NIPSNAP1: variants seen among roughly 807,000 people sequenced by gnomAD.
The protein encoded by NIPSNAP1 is protein NipSnap homolog 1.
Under a neutral mutation model 49.2 loss-of-function variants are expected in NIPSNAP1, and 25 were observed. That is an observed-to-expected ratio of 0.51 (90% CI 0.37 to 0.71). The LOEUF is 0.71. Ranked by LOEUF, NIPSNAP1 falls within the 30% of genes least tolerant of loss-of-function variation. The probability of loss-of-function intolerance (pLI) is 0.00; values close to 1 mark genes in which losing one functional copy is unlikely to be tolerated. For synonymous variants in NIPSNAP1, 143 were observed against 140.7 expected, an observed-to-expected ratio of 1.02 and a Z score of -0.12; for missense variants, 294 against 361.0, an observed-to-expected ratio of 0.81 and a Z score of 1.50.
At chr22:29,558,573 CG>C (rs1480883535) in intron 9 of NIPSNAP1, among the ~76,000 whole-genome samples, 1 of 152,162 alleles carries the variant, frequency 6.6e-6, no homozygotes, top group African/African-American at 2.4e-5. Context: ...ATCTTACAGA[CG>C]AGGGAACAGC....
intron 1 of NIPSNAP1, among the ~76,000 whole-genome samples, chr22:29,575,446 C>G (rs1198842059): frequency 6.6e-6 from 1 of 152,136 alleles, no homozygotes; most frequent in Non-Finnish European, 1.5e-5. Flanking sequence ...CAAGAAGGAG[C>G]TTGTCAAAGA....
intron 4 of NIPSNAP1, among the ~76,000 whole-genome samples, chr22:29,568,178 C>CAA (rs33974680): frequency 1.2e-3 from 49 of 40,628 alleles, no homozygotes; most frequent in East Asian, 3.0e-3. Context: ...GACCCTGTCT[C>CAA]AAAAAAAAAA....
At chr22:29,561,314 G>A (rs2064333829) in intron 6 of NIPSNAP1, 112 bp from the exon 7 acceptor site, 20 of 1,471,010 alleles carry the variant, frequency 1.4e-5, no homozygotes, top group Middle Eastern at 3.4e-4. Flanking sequence ...AAGCTGCAGC[G>A]GCCATTTGGC....
At chr22:29,573,939 A>AAAAAC (rs695343) in intron 1 of NIPSNAP1, among the ~76,000 whole-genome samples, 29,203 of 148,066 alleles carry the variant, frequency 0.2, 3,409 homozygotes, top group East Asian at 0.57. Context: ...CCCTGTCTCA[A>AAAAAC]AAAACAAAAC....
At chr22:29,576,604 A>G (rs1360179067) in intron 1 of NIPSNAP1, among the ~76,000 whole-genome samples, 1 of 151,258 alleles carries the variant, frequency 6.6e-6, no homozygotes, top group Admixed American at 6.6e-5. Flanking sequence ...GAAAATGATG[A>G]AAGCTGAAAA....
intron 1 of NIPSNAP1, among the ~76,000 whole-genome samples, chr22:29,577,529 C>T (rs1400394011): frequency 1.3e-5 from 2 of 150,944 alleles, no homozygotes; most frequent in African/African-American, 5.0e-5. Context: ...AAGTGATTCT[C>T]CTGTCTCAGT....
chr22:29,556,557 C>T (rs973164346), intron 9 of NIPSNAP1, among the ~76,000 whole-genome samples: 1 of 152,002 alleles, frequency 6.6e-6, no homozygotes, highest in Non-Finnish European at 1.5e-5. Context: ...CTGATTTAGA[C>T]CAACTGCCTC....
chr22:29,576,894 C>T (rs1207888244), intron 1 of NIPSNAP1, among the ~76,000 whole-genome samples: 15 of 149,444 alleles, frequency 1.0e-4, no homozygotes, highest in Non-Finnish European at 1.5e-5. Flanking sequence ...CACTGCACTC[C>T]AGCCTGGCTG....
intron 7 of NIPSNAP1, 29 bp downstream of exon 7, chr22:29,561,142 C>T: frequency 6.2e-7 from 1 of 1,607,168 alleles, no homozygotes; most frequent in Non-Finnish European, 8.5e-7. Flanking sequence ...TACGCCTCCC[C>T]CAACCCCAGT....
Position 29,581,008 on chromosome 22 carries a change from G to T in NIPSNAP1, c.75C>A (p.Asp25Glu). The T allele has an allele frequency of 6.5e-7, 1 of 1,533,860 alleles. No homozygotes were observed. ...ACCGCGCCGCAGCTGCAGACGCAAC[G>T]TCCCCAGCGCGAGGCCCCGGGCCCC... ...LLGGPGPRAG[D>E]VASAAAARFY... Residue 25 changes from aspartate (D) to glutamate (E), a missense_variant, in exon 1 of 10, where the codon GAC (aspartate) becomes GAA (glutamate). Transcript: ENST00000216121.
chr22:29,558,803 T>C, intron 9 of NIPSNAP1, 67 bp downstream of exon 9: 1 of 1,162,196 alleles, frequency 8.6e-7, no homozygotes, highest in Non-Finnish European at 1.3e-6. Flanking sequence ...AGACTAGATC[T>C]CCTTGCAGAG....
At position 29,555,690 on chromosome 22, in the gene NIPSNAP1, A is replaced by C; in HGVS notation, c.*245T>G. 3.7e-6 allele frequency: 2 copies of C among 544,890 alleles called. No homozygotes were observed. Among genetic ancestry groups the C allele is most frequent in the Non-Finnish European group, 6.7e-6 (2 of 300,332 alleles). The allele number at this position is 544,890 out of a possible 1,614,324, so 33.8% of individuals were successfully genotyped here. ...AAGGCCTAAAAGATCACTATCTTTCATTCAGGGAAATCAGAAACTACTTCT... is the reference window on the plus strand; with the variant it reads ...AAGGCCTAAAAGATCACTATCTTTCCTTCAGGGAAATCAGAAACTACTTCT... On this transcript the variant is annotated 3_prime_UTR_variant, in exon 10 of 10. Transcript: ENST00000216121.
chr22:29,561,748 G>A (rs1305322866), intron 5 of NIPSNAP1, 44 bp downstream of exon 5: 1 of 1,612,688 alleles, frequency 6.2e-7, no homozygotes, highest in Non-Finnish European at 8.5e-7. Flanking sequence ...GGGCTGGGCT[G>A]CATCCCACAT....
At chr22:29,574,294 A>G (rs1469290336) in intron 1 of NIPSNAP1, among the ~76,000 whole-genome samples, 6 of 146,988 alleles carry the variant, frequency 4.1e-5, no homozygotes, top group Non-Finnish European at 9.0e-5. Context: ...AAAAAAAAAG[A>G]AAGAAAAAGA....
rs965131162 is a variant in NIPSNAP1 at position 29,579,110 on chromosome 22, T to C, written c.98+1875A>G. ...TTTTTGTAGACGGAGTCTCGCTCTG[T>C]CACCCGGGTTGGAGTGCAGTAGCGT... On this transcript the variant is annotated intron_variant, in intron 1 of 9. Coordinates refer to ENST00000216121, the MANE Select transcript of NIPSNAP1 (RefSeq NM_003634.4). Among the ~76,000 whole-genome samples the C allele has an allele frequency of 2.7e-5, 4 of 150,636 alleles. 1 individual carries two copies. Among genetic ancestry groups the C allele is most frequent in the African/African-American group, 1.0e-4 (4 of 40,176 alleles).
chr22:29,566,386 G>A (rs2064368500), intron 4 of NIPSNAP1, among the ~76,000 whole-genome samples: 1 of 151,980 alleles, frequency 6.6e-6, no homozygotes, highest in Non-Finnish European at 1.5e-5. Context: ...AGGTGTGATG[G>A]TATTCAATCA....
Position 29,570,193 on chromosome 22 carries a change from G to C in NIPSNAP1, c.241C>G (p.Pro81Ala), listed in dbSNP as rs1379580667. ...LYKIQFHNVK[P>A]EYLDAYNSLT... Reference sequence around the variant, plus strand: ...CTGTTGTAGGCATCCAGGTATTCAGGCTTTACATTGTGAACTGCAACAGAG... The same window carrying C: ...CTGTTGTAGGCATCCAGGTATTCAGCCTTTACATTGTGAACTGCAACAGAG... The change falls in exon 3 of 10, where the codon CCT becomes GCT. Residue 81 changes from proline (P) to alanine (A), a missense_variant. Transcript: ENST00000216121. 6.2e-7 allele frequency: 1 copy of C among 1,613,934 alleles called. No individual in the cohort carries two copies. Among genetic ancestry groups the C allele is most frequent in the South Asian group, 1.1e-5 (1 of 91,076 alleles).
In NIPSNAP1 at chr22:29,579,047, G is replaced by A. The variant is rs566821234; in HGVS notation, c.98+1938C>T. Among the ~76,000 whole-genome samples, 50 of 151,252 alleles carry A rather than the reference G, an allele frequency of 3.3e-4. 1 individual carries two copies. In the South Asian group the frequency reaches 0.01, roughly 31 times the overall value. On this transcript the variant is annotated intron_variant, in intron 1 of 9. Coordinates refer to ENST00000216121, the MANE Select transcript of NIPSNAP1 (RefSeq NM_003634.4). ...AAGGAGCAACACTTACTGCATGTTC[G>A]TCAAGTGCTAGACACTTCACAACCA...
rs758725900 is a variant in NIPSNAP1, at chr22:29,570,467, C to T, written c.164G>A (p.Arg55Gln). The change falls in exon 2 of 10, where the codon CGG becomes CAG. Residue 55 changes from arginine (R) to glutamine (Q), a missense_variant. Coordinates refer to ENST00000216121, the MANE Select transcript of NIPSNAP1 (RefSeq NM_003634.4). ...CAGCAGGGTGGAGTGGGCATCCTTCCGGGGATCCACTTTGTGAACAAAGAG... is the reference window on the plus strand; with the variant it reads ...CAGCAGGGTGGAGTGGGCATCCTTCTGGGGATCCACTTTGTGAACAAAGAG... ...RSLFVHKVDP[R>Q]KDAHSTLLSK... 3 of 1,614,122 alleles carry T rather than the reference C, an allele frequency of 1.9e-6. No individual in the cohort carries two copies. The highest frequency in any genetic ancestry group is 2.5e-6 in the Non-Finnish European group (3 of 1,180,006).
Sources: gnomAD v4.1 joint callset for allele counts (sites outside exome capture counted in the v4.1 genomes callset) on GRCh38, gnomAD v4.1.1 for gene constraint, MANE v1.5 for transcripts, NCBI Gene and HGNC (gene_info 2026-07-23, HGNC 2026-07-21) for gene names.